CDYL2: variants seen among roughly 807,000 people sequenced by gnomAD.
The protein encoded by CDYL2 is chromodomain Y-like protein 2.
A neutral mutation model predicts 49.4 loss-of-function variants in CDYL2; 23 were observed. That is an observed-to-expected ratio of 0.47 (90% CI 0.34 to 0.66). CDYL2 has a LOEUF of 0.66. Among genes scored for constraint, CDYL2 ranks in the 30% least tolerant of loss-of-function variants. The pLI is 0.01. For synonymous variants in CDYL2, 360 were observed against 268.8 expected (o/e 1.34, Z -3.32); for missense variants, 678 against 656.4 (o/e 1.03, Z -0.36).
chr16:80,656,243 C>A lies in CDYL2; in HGVS notation c.617-23007G>T, dbSNP rs549844691. ...GTCAGCTGGAGGACACCAAGGCATT[C>A]AAAAAGGAGGAACTAATTGGTGAGT... On this transcript the variant is annotated intron_variant, in intron 2 of 6. Transcript: ENST00000570137. Among the ~76,000 whole-genome samples, 54 of 152,342 alleles carry A rather than the reference C, an allele frequency of 3.5e-4. 1 individual carries two copies. Among genetic ancestry groups the A allele is most frequent in the African/African-American group, 1.3e-3 (54 of 41,586 alleles).
chr16:80,613,619 C>T (rs1274295972), intron 4 of CDYL2, among the ~76,000 whole-genome samples: 2 of 152,216 alleles, frequency 1.3e-5, no homozygotes, highest in Non-Finnish European at 2.9e-5. Flanking sequence ...CCCTTCTGCA[C>T]TGAGCAAGGC....
chr16:80,677,958 A>T (rs566155800), intron 2 of CDYL2, among the ~76,000 whole-genome samples: 2 of 151,892 alleles, frequency 1.3e-5, no homozygotes, highest in Admixed American at 1.3e-4. Context: ...ATAACGTTGC[A>T]TATCTACAAC....
At chr16:80,621,081 G>A (rs1907065251) in intron 3 of CDYL2, 146 bp from the exon 4 acceptor site, 2 of 836,054 alleles carry the variant, frequency 2.4e-6, no homozygotes, top group Admixed American at 3.3e-5. Context: ...CCTCCCCTGA[G>A]TACAAGCAAG....
intron 2 of CDYL2, among the ~76,000 whole-genome samples, chr16:80,681,730 A>C (rs952446408): frequency 4.6e-5 from 7 of 152,228 alleles, no homozygotes; most frequent in African/African-American, 1.7e-4. Flanking sequence ...ACATGTATGT[A>C]ATATGTGTTA....
At chr16:80,664,152 G>A (rs1194707635) in intron 2 of CDYL2, among the ~76,000 whole-genome samples, 3 of 151,966 alleles carry the variant, frequency 2.0e-5, no homozygotes, top group African/African-American at 7.3e-5. Context: ...AAGTTCACAT[G>A]CCTCCATCGT....
rs370815076 is a variant in CDYL2, at chr16:80,633,219, C to T, written c.634G>A (p.Gly212Arg). Residue 212 changes from glycine to arginine, a missense_variant, in exon 3 of 7, where the codon GGG (glycine) becomes AGG (arginine). Coordinates refer to ENST00000570137, the MANE Select transcript of CDYL2 (RefSeq NM_152342.4). Reference sequence around the variant, plus strand: ...ACTGGACTGTGCAGGTTCAATCCCCCGTTGGTCAGAGCAGAGCCTTCCAAA... The same window carrying T: ...ACTGGACTGTGCAGGTTCAATCCCCTGTTGGTCAGAGCAGAGCCTTCCAAA... ...ENGLGSALTN[G>R]GLNLHSPVKR... is the part of the protein sequence containing the mutation. 3.7e-6 allele frequency: 6 copies of T among 1,614,106 alleles called. No individual in the cohort carries two copies. Among genetic ancestry groups the T allele is most frequent in the East Asian group, 4.5e-5 (2 of 44,882 alleles).
intron 1 of CDYL2, among the ~76,000 whole-genome samples, chr16:80,690,221 G>T (rs1910361019): frequency 6.6e-6 from 1 of 152,174 alleles, no homozygotes; most frequent in Admixed American, 6.5e-5. Flanking sequence ...AGCGGGAATG[G>T]ATTTACTTCA....
At chr16:80,761,221 G>A (rs544056127) in intron 1 of CDYL2, among the ~76,000 whole-genome samples, 1 of 152,084 alleles carries the variant, frequency 6.6e-6, no homozygotes, top group African/African-American at 2.4e-5. Flanking sequence ...AGCCCGCCAG[G>A]GGATTCTGGT....
At chr16:80,609,778 T>C (rs2060861) in intron 5 of CDYL2, among the ~76,000 whole-genome samples, 53,288 of 151,982 alleles carry the variant, frequency 0.35, 11,118 homozygotes, top group African/African-American at 0.59. Flanking sequence ...TTAGGGGTAT[T>C]ATCCAGAAGC....
chr16:80,711,193 G>C (rs1350237305), intron 1 of CDYL2, among the ~76,000 whole-genome samples: 1 of 152,226 alleles, frequency 6.6e-6, no homozygotes, highest in Non-Finnish European at 1.5e-5. Flanking sequence ...GTTTCAAGCG[G>C]CGCTGTTACC....
chr16:80,631,439 G>A (rs556670119), intron 3 of CDYL2, among the ~76,000 whole-genome samples: 1 of 152,268 alleles, frequency 6.6e-6, no homozygotes, highest in East Asian at 1.9e-4. Flanking sequence ...CCTGTATTTT[G>A]AATGATGTTG....
rs1188236160 is a variant in CDYL2 at position 80,608,118 on chromosome 16, T to A, written c.1336A>T (p.Lys446Ter). 6.2e-7 allele frequency: 1 copy of A among 1,600,516 alleles called. No individual in the cohort carries two copies. The highest frequency in any genetic ancestry group is 1.1e-5 in the South Asian group (1 of 88,044). The change falls in exon 6 of 7, where the codon AAG (lysine) becomes TAG (stop). Residue 446 changes from lysine (K) to a stop codon, truncating the protein, a stop_gained. Coordinates refer to ENST00000570137, the MANE Select transcript of CDYL2 (RefSeq NM_152342.4). LOFTEE classifies it high-confidence loss of function. ...TFSQEVMLRV[K>*]EMASCSAVVL... is the part of the protein sequence containing the mutation. ...ACGGCACTGCAGGATGCCATCTCCT[T>A]GACCCGCAGCATGACCTCCTGGCTG...
At chr16:80,702,625 C>T (rs1447539994) in intron 1 of CDYL2, among the ~76,000 whole-genome samples, 1 of 152,130 alleles carries the variant, frequency 6.6e-6, no homozygotes, top group Non-Finnish European at 1.5e-5. Context: ...TGGCTCATGT[C>T]TGTACTCCCA....
chr16:80,719,010 T>A (rs1904907264), intron 1 of CDYL2, among the ~76,000 whole-genome samples: 1 of 152,210 alleles, frequency 6.6e-6, no homozygotes, highest in Non-Finnish European at 1.5e-5. Context: ...ATACTGGGCT[T>A]GACGACTTAA....
Position 80,673,272 on chromosome 16 carries a change from A to T in CDYL2, c.616+11266T>A, listed in dbSNP as rs371931499. Among the ~76,000 whole-genome samples, 15 of 152,206 alleles carry T rather than the reference A, an allele frequency of 9.9e-5. No individual in the cohort carries two copies. The East Asian group carries it at 2.9e-3, about 29-fold the overall frequency. ...GAGGCGGAGGTTGCAGTGAGCCAAG[A>T]TCATGCCATTGCACTCCAGCCTGGG... On this transcript the variant is annotated intron_variant, in intron 2 of 6. Coordinates refer to ENST00000570137, the MANE Select transcript of CDYL2 (RefSeq NM_152342.4).
At chr16:80,697,286 T>A (rs1383335977) in intron 1 of CDYL2, among the ~76,000 whole-genome samples, 1 of 152,140 alleles carries the variant, frequency 6.6e-6, no homozygotes, top group African/African-American at 2.4e-5. Flanking sequence ...AGAAAATAAA[T>A]GTAATACATC....
chr16:80,759,982 A>C (rs907311025), intron 1 of CDYL2, among the ~76,000 whole-genome samples: 2 of 152,242 alleles, frequency 1.3e-5, no homozygotes, highest in African/African-American at 4.8e-5. Flanking sequence ...AATTAACTGT[A>C]GAGGCATAAA....
intron 1 of CDYL2, among the ~76,000 whole-genome samples, chr16:80,789,121 C>CT (rs1275472276): frequency 6.6e-6 from 1 of 151,484 alleles, no homozygotes; most frequent in Non-Finnish European, 1.5e-5. Flanking sequence ...CAAAAAAAAA[C>CT]AACAGAGTTG....
intron 2 of CDYL2, among the ~76,000 whole-genome samples, chr16:80,677,826 A>G (rs1909817031): frequency 6.6e-6 from 1 of 151,978 alleles, no homozygotes; most frequent in Non-Finnish European, 1.5e-5. Flanking sequence ...CAAAAGAACA[A>G]AGCTGGAGGC....
Sources: gnomAD v4.1 joint callset for allele counts (sites outside exome capture counted in the v4.1 genomes callset) on GRCh38, gnomAD v4.1.1 for gene constraint, MANE v1.5 for transcripts, NCBI Gene and HGNC (gene_info 2026-07-23, HGNC 2026-07-21) for gene names.